SLC24A2: variants seen among roughly 807,000 people sequenced by gnomAD.
The protein encoded by SLC24A2 is solute carrier family 24 member 2.
A neutral mutation model predicts 62.0 loss-of-function variants in SLC24A2; 36 were observed. The ratio of observed to expected loss-of-function variants is 0.58; its 90% CI spans 0.44 to 0.77. The LOEUF is 0.77. Among genes scored for constraint, SLC24A2 ranks in the 30% least tolerant of loss-of-function variants. The pLI, the probability that SLC24A2 is intolerant of heterozygous loss-of-function variation, is 0.00. For synonymous variants in SLC24A2, 358 were observed against 294.0 expected (o/e 1.22, Z -2.23); for missense variants, 846 against 817.9 (o/e 1.03, Z -0.42).
chr9:20,024,339 A>G, the SLC24A2 span, among the ~76,000 whole-genome samples: 1 of 152,206 alleles, frequency 6.6e-6, no homozygotes, highest in Admixed American at 6.5e-5. Flanking sequence ...CAATCAGTGA[A>G]CTCACATCCA....
chr9:19,767,295 G>A (rs939505470), intron 2 of SLC24A2, among the ~76,000 whole-genome samples: 1 of 152,164 alleles, frequency 6.6e-6, no homozygotes, highest in Admixed American at 6.5e-5. Flanking sequence ...CTTTTCAGGG[G>A]CATGAACGGT....
chr9:19,910,838 G>T, the SLC24A2 span, among the ~76,000 whole-genome samples: 3 of 151,522 alleles, frequency 2.0e-5, no homozygotes, highest in Middle Eastern at 3.2e-3. Context: ...TAGCTTTTAC[G>T]TTATTTTATA....
At chr9:20,087,075 T>C in the SLC24A2 span, among the ~76,000 whole-genome samples, 1 of 152,222 alleles carries the variant, frequency 6.6e-6, no homozygotes, top group African/African-American at 2.4e-5. Context: ...CATATATATC[T>C]GGCTCTTGCC....
chr9:19,557,052 A>G (rs924733523), intron 7 of SLC24A2, among the ~76,000 whole-genome samples: 1 of 152,078 alleles, frequency 6.6e-6, no homozygotes, highest in African/African-American at 2.4e-5. Flanking sequence ...CCCTCATTTG[A>G]TGGGTAGGGA....
At chr9:20,142,193 G>C in the SLC24A2 span, among the ~76,000 whole-genome samples, 1 of 152,022 alleles carries the variant, frequency 6.6e-6, no homozygotes, top group Non-Finnish European at 1.5e-5. Context: ...CAGATTAAAG[G>C]CTCTTCGAAG....
chr9:20,076,014 A>G, the SLC24A2 span, among the ~76,000 whole-genome samples: 2 of 152,242 alleles, frequency 1.3e-5, no homozygotes, highest in Non-Finnish European at 2.9e-5. Flanking sequence ...AATGCCATGT[A>G]AATAGTTGTT....
At chr9:19,851,027 A>ATATTTT in the SLC24A2 span, among the ~76,000 whole-genome samples, 10 of 55,256 alleles carry the variant, frequency 1.8e-4, no homozygotes, top group African/African-American at 6.2e-4. Flanking sequence ...ATATATACAT[A>ATATTTT]TTTTTTTTTT....
At chr9:20,238,116 A>G in the SLC24A2 span, among the ~76,000 whole-genome samples, 1 of 152,304 alleles carries the variant, frequency 6.6e-6, no homozygotes, top group Admixed American at 6.5e-5. Context: ...ACAGAAGGAA[A>G]AGCCCAGGTC....
At chr9:19,660,764 A>T (rs1271422867) in intron 2 of SLC24A2, among the ~76,000 whole-genome samples, 1 of 152,226 alleles carries the variant, frequency 6.6e-6, no homozygotes, top group Non-Finnish European at 1.5e-5. Flanking sequence ...AACTTTTAGC[A>T]CAACCAACAC....
the SLC24A2 span, among the ~76,000 whole-genome samples, chr9:20,300,540 A>G: frequency 6.6e-6 from 1 of 152,284 alleles, no homozygotes; most frequent in Non-Finnish European, 1.5e-5. Flanking sequence ...CAAGGACCCA[A>G]TTCAAATATT....
the SLC24A2 span, among the ~76,000 whole-genome samples, chr9:20,162,897 A>T: frequency 6.6e-6 from 1 of 152,190 alleles, no homozygotes; most frequent in East Asian, 1.9e-4. Context: ...TTATCTCAAT[A>T]GATGCAGAAA....
chr9:19,895,928 G>C, the SLC24A2 span: 3 of 1,613,376 alleles, frequency 1.9e-6, no homozygotes, highest in Non-Finnish European at 2.5e-6. Context: ...CTCCTCATCA[G>C]GTCAAACAGC....
chr9:20,028,238 C>T, the SLC24A2 span, among the ~76,000 whole-genome samples: 1 of 152,162 alleles, frequency 6.6e-6, no homozygotes, highest in Non-Finnish European at 1.5e-5. Context: ...GTACAGCCCT[C>T]ATTTCCCCCA....
At chr9:19,694,205 C>G (rs1381054024) in intron 2 of SLC24A2, among the ~76,000 whole-genome samples, 1 of 151,980 alleles carries the variant, frequency 6.6e-6, no homozygotes, top group Non-Finnish European at 1.5e-5. Flanking sequence ...GATGAAATCT[C>G]AACAGATAGG....
At chr9:19,591,625 G>T (rs551982044) in intron 5 of SLC24A2, among the ~76,000 whole-genome samples, 1 of 152,218 alleles carries the variant, frequency 6.6e-6, no homozygotes, top group South Asian at 2.1e-4. Context: ...GAATACAGAC[G>T]TGATGGCCAG....
chr9:19,675,484 T>C (rs1048567068), intron 2 of SLC24A2, among the ~76,000 whole-genome samples: 1 of 152,044 alleles, frequency 6.6e-6, no homozygotes, highest in Non-Finnish European at 1.5e-5. Context: ...GGTGTAAGCA[T>C]GGTTAGGTGT....
At chr9:20,034,724 T>A in the SLC24A2 span, among the ~76,000 whole-genome samples, 1 of 152,164 alleles carries the variant, frequency 6.6e-6, no homozygotes, top group African/African-American at 2.4e-5. Context: ...CGCCTTGACC[T>A]CCCAAAGTGC....
At chr9:19,566,009 A>G (rs1835634922) in intron 7 of SLC24A2, among the ~76,000 whole-genome samples, 2 of 152,072 alleles carry the variant, frequency 1.3e-5, no homozygotes, top group African/African-American at 4.8e-5. Context: ...AACCATAAAA[A>G]CCCTGGAAGA....
intron 7 of SLC24A2, among the ~76,000 whole-genome samples, chr9:19,570,719 A>C (rs1332289365): frequency 6.6e-6 from 1 of 152,210 alleles, no homozygotes; most frequent in Non-Finnish European, 1.5e-5. Context: ...GCAATGAAGC[A>C]AGTACTGTTG....
Sources: gnomAD v4.1 joint callset for allele counts (sites outside exome capture counted in the v4.1 genomes callset) on GRCh38, gnomAD v4.1.1 for gene constraint, MANE v1.5 for transcripts, NCBI Gene and HGNC (gene_info 2026-07-23, HGNC 2026-07-21) for gene names.